ASH1L: variants seen among roughly 807,000 people sequenced by gnomAD.
The protein encoded by ASH1L is histone-lysine N-methyltransferase ASH1L.
In ASH1L, 23 loss-of-function variants were observed where a neutral mutation model predicts 269.0. The observed-to-expected ratio is 0.09, with a 90% CI of 0.06 to 0.12. The LOEUF (loss-of-function observed/expected upper bound fraction) is 0.12. ASH1L is among the 10% of genes least tolerant of loss of function. The pLI is 1.00. For missense variants in ASH1L, 2,912 were observed against 3,567.8 expected (o/e 0.82, Z 4.68); for synonymous variants, 1,187 against 1,253.5 (o/e 0.95, Z 1.12).
chr1:155,455,499 A>G (rs547265281), intron 4 of ASH1L, among the ~76,000 whole-genome samples: 1 of 152,244 alleles, frequency 6.6e-6, no homozygotes, highest in South Asian at 2.1e-4. Flanking sequence ...AGTTGTTTAC[A>G]TACCTCAGTT....
At chr1:155,469,872 C>T (rs1049489445) in intron 3 of ASH1L, among the ~76,000 whole-genome samples, 2 of 152,160 alleles carry the variant, frequency 1.3e-5, no homozygotes, top group African/African-American at 4.8e-5. Flanking sequence ...CCCTTAACTT[C>T]TCATACCTTA....
chr1:155,357,026 T>C (rs116821740), intron 15 of ASH1L, among the ~76,000 whole-genome samples: 1,530 of 140,434 alleles, frequency 0.011, 30 homozygotes, highest in African/African-American at 0.039. Context: ...AGCCCAGGAG[T>C]TGAGCCAGGC....
At chr1:155,490,045 T>A (rs1182853217) in intron 2 of ASH1L, among the ~76,000 whole-genome samples, 1 of 151,068 alleles carries the variant, frequency 6.6e-6, no homozygotes, top group Admixed American at 6.6e-5. Context: ...CTCGGCTCAC[T>A]GCAAACTCCG....
At chr1:155,348,518 C>T (rs1433682111) in intron 19 of ASH1L, among the ~76,000 whole-genome samples, 21 of 152,058 alleles carry the variant, frequency 1.4e-4, no homozygotes, top group Admixed American at 6.6e-5. Flanking sequence ...CAGTTCAAGG[C>T]CACTTTCTCT....
At chr1:155,461,612 AG>A (rs149430319) in intron 3 of ASH1L, among the ~76,000 whole-genome samples, 1,533 of 152,282 alleles carry the variant, frequency 0.01, 28 homozygotes, top group African/African-American at 0.035. Flanking sequence ...AGAAATAAAA[AG>A]CCCAGGCATC....
At chr1:155,344,849 T>C (rs958440133) in intron 21 of ASH1L, among the ~76,000 whole-genome samples, 2 of 152,206 alleles carry the variant, frequency 1.3e-5, no homozygotes, top group Non-Finnish European at 2.9e-5. Flanking sequence ...CTGAGTCCAG[T>C]GCTCTTTTCA....
intron 1 of ASH1L, among the ~76,000 whole-genome samples, chr1:155,559,534 C>CAAAAA (rs71270465): frequency 2.4e-5 from 2 of 85,010 alleles, no homozygotes; most frequent in Admixed American, 1.2e-4. Context: ...AACTCAGTCT[C>CAAAAA]AAAAAAAAAA....
intron 1 of ASH1L, among the ~76,000 whole-genome samples, chr1:155,539,207 G>A (rs1670258592): frequency 6.6e-6 from 1 of 151,608 alleles, no homozygotes; most frequent in African/African-American, 2.4e-5. Flanking sequence ...GAGTGCAGTG[G>A]CACTCATCCT....
intron 3 of ASH1L, among the ~76,000 whole-genome samples, chr1:155,474,382 G>A (rs531616635): frequency 6.6e-6 from 1 of 152,168 alleles, no homozygotes; most frequent in South Asian, 2.1e-4. Flanking sequence ...CCGCTTCAAC[G>A]TTCAGACACT....
chr1:155,438,551 C>T lies in ASH1L; in HGVS notation c.5604G>A (p.Gln1868=). The change falls in exon 5 of 28, where the codon CAG becomes CAA. Residue 1868 remains glutamine, a synonymous_variant. Coordinates refer to ENST00000392403, the MANE Select transcript of ASH1L (RefSeq NM_018489.3). ...LQAVVSMQAF[Q]AAQFVNPELN... ...ATTCTGGGTTGACAAACTGAGCAGC[C>T]TGGAATGCTTGCATTGATACGACAG... 6.2e-7 allele frequency: 1 copy of T among 1,613,858 alleles called. No homozygotes were observed. Among genetic ancestry groups the T allele is most frequent in the Non-Finnish European group, 8.5e-7 (1 of 1,179,898 alleles).
In ASH1L at chr1:155,337,538, C is replaced by T. The variant is rs1652412438; in HGVS notation, c.*122G>A. ...CTTATTAAGTACCTAATGTCAACAACATGGCCCCATTCCCCTTGCCCAGAT... is the reference window on the plus strand; with the variant it reads ...CTTATTAAGTACCTAATGTCAACAATATGGCCCCATTCCCCTTGCCCAGAT... On this transcript the variant is annotated 3_prime_UTR_variant, in exon 28 of 28. Transcript: ENST00000392403. 1.3e-6 allele frequency: 1 copy of T among 763,614 alleles called. No homozygotes were observed. The highest frequency in any genetic ancestry group is 2.3e-6 in the Non-Finnish European group (1 of 437,226). The allele number at this position is 763,614 out of a possible 1,614,324, so 47.3% of individuals were successfully genotyped here.
At chr1:155,341,762 T>A (rs1056144579) in intron 25 of ASH1L, among the ~76,000 whole-genome samples, 174 bp downstream of exon 25, 6 of 152,132 alleles carry the variant, frequency 3.9e-5, no homozygotes, top group Admixed American at 2.0e-4. Flanking sequence ...ACAGTCTATG[T>A]GAGGAAATGT....
intron 4 of ASH1L, among the ~76,000 whole-genome samples, chr1:155,458,470 T>C (rs998785600): frequency 1.3e-5 from 2 of 152,360 alleles, no homozygotes; most frequent in African/African-American, 4.8e-5. Flanking sequence ...ATCCCAGCAC[T>C]TTTGGAGGCT....
chr1:155,525,432 G>A (rs1006115727), intron 1 of ASH1L, among the ~76,000 whole-genome samples: 2 of 150,974 alleles, frequency 1.3e-5, no homozygotes, highest in African/African-American at 4.9e-5. Context: ...CATGAATAAT[G>A]ATAAATTACA....
chr1:155,356,436 C>T (rs951666522), intron 15 of ASH1L, among the ~76,000 whole-genome samples: 2 of 151,916 alleles, frequency 1.3e-5, no homozygotes, highest in Non-Finnish European at 2.9e-5. Context: ...AGATCGAGAC[C>T]ATCCTGGCTA....
Position 155,389,290 on chromosome 1 carries a change from G to A in ASH1L, c.6103+6169C>T, listed in dbSNP as rs141645660. Among the ~76,000 whole-genome samples the A allele has an allele frequency of 4.2e-3, 633 of 151,714 alleles. 3 individuals carry two copies. The highest frequency in any genetic ancestry group is 0.015 in the African/African-American group (614 of 41,406). ...TGGGATTACAGGTGTGAGCCACCAC[G>A]CCAAGCCTAATTATTGTATATTATT... On this transcript the variant is annotated intron_variant, in intron 7 of 27. Transcript: ENST00000392403.
At position 155,342,009 on chromosome 1, in the gene ASH1L, C is replaced by T. The variant is rs369654728; in HGVS notation, c.8387G>A (p.Arg2796His). 1.4e-5 allele frequency: 22 copies of T among 1,613,876 alleles called. No individual in the cohort carries two copies. The highest frequency in any genetic ancestry group is 1.1e-4 in the African/African-American group (8 of 74,852). The stretch of plus-strand genomic sequence containing the variant: ...ATAGGGTTTGGTGCAGACAGGATAG[C>T]GGTTCCGGTGGATCTTGTAAAACAG... ...AHLFYKIHRN[R>H]YPVCTKPYAF... is the part of the protein sequence containing the mutation. The change falls in exon 25 of 28, where the codon CGC becomes CAC. Residue 2796 changes from arginine to histidine, a missense_variant. Arg to His is a conservative substitution (Grantham distance 29). Transcript: ENST00000392403.
chr1:155,454,177 T>C (rs761803246), intron 4 of ASH1L, among the ~76,000 whole-genome samples: 1 of 152,212 alleles, frequency 6.6e-6, no homozygotes, highest in African/African-American at 2.4e-5. Flanking sequence ...CTTACTCTAA[T>C]TCCCACTAGT....
At chr1:155,345,030 C>T (rs1416613286) in intron 21 of ASH1L, among the ~76,000 whole-genome samples, 7 of 152,020 alleles carry the variant, frequency 4.6e-5, no homozygotes, top group African/African-American at 1.7e-4. Context: ...GATCTCGACC[C>T]ACTGCAACTT....
Sources: allele counts gnomAD v4.1 joint callset (sites outside exome capture counted in the v4.1 genomes callset), GRCh38; gene constraint gnomAD v4.1.1; transcripts MANE v1.5; gene names NCBI Gene and HGNC (gene_info 2026-07-23, HGNC 2026-07-21).